Variants in MTAP observed in about 807,000 individuals in gnomAD.
MTAP encodes the protein S-methyl-5'-thioadenosine phosphorylase.
A neutral mutation model predicts 33.6 loss-of-function variants in MTAP; 33 were observed. That is an observed-to-expected ratio of 0.98 (90% CI 0.74 to 1.31). MTAP has a LOEUF of 1.31. Among genes scored for constraint, MTAP ranks in the 40% most tolerant of loss-of-function variants. The pLI is 0.00. For missense variants in MTAP, 367 were observed against 360.0 expected (o/e 1.02, Z -0.16); for synonymous variants, 148 against 125.7 (o/e 1.18, Z -1.19).
downstream of MTAP, among the ~76,000 whole-genome samples, chr9:21,940,671 T>C (rs919298202): frequency 1.3e-4 from 20 of 152,062 alleles, no homozygotes; most frequent in Non-Finnish European, 2.9e-4. Context: ...CAGTTTATAA[T>C]GAAAAATACA....
At chr9:21,811,003 C>T (rs1286508980) in intron 1 of MTAP, among the ~76,000 whole-genome samples, 1 of 152,028 alleles carries the variant, frequency 6.6e-6, no homozygotes, top group Non-Finnish European at 1.5e-5. Context: ...ATAATGAGGG[C>T]CTCCGTCTGC....
intron 4 of MTAP, among the ~76,000 whole-genome samples, chr9:21,830,152 A>G (rs1024260521): frequency 1.3e-5 from 2 of 152,232 alleles, no homozygotes; most frequent in Non-Finnish European, 2.9e-5. Context: ...TGAGTAGAGC[A>G]TCCATAGAAA....
chr9:21,925,745 G>C (rs1237616166), intron 1 of MTAP, among the ~76,000 whole-genome samples: 1 of 127,684 alleles, frequency 7.8e-6, no homozygotes, highest in Non-Finnish European at 1.5e-5. Flanking sequence ...AAGCTGAAAA[G>C]GCCCGCCACT....
Position 21,836,931 on chromosome 9 carries a change from C to T in MTAP, c.348-977C>T, listed in dbSNP as rs549921702. Among the ~76,000 whole-genome samples the T allele has an allele frequency of 2.6e-5, 4 of 152,288 alleles. No homozygotes were observed. In the East Asian group the frequency reaches 7.7e-4, roughly 29 times the overall value. On this transcript the variant is annotated intron_variant, in intron 4 of 7. Coordinates refer to ENST00000644715, the MANE Select transcript of MTAP (RefSeq NM_002451.4). ...CTATTTCTCAGTGCTGCCTCCCACC[C>T]CTGGAAGAGGACATCATGTTATCTA...
chr9:21,896,528 GAT>G, intron 1 of MTAP, among the ~76,000 whole-genome samples: 1 of 152,138 alleles, frequency 6.6e-6, no homozygotes, highest in East Asian at 1.9e-4. Context: ...GATTCAATTA[GAT>G]GCAATAAAAA....
At chr9:21,821,017 G>A (rs1014599034) in intron 4 of MTAP, among the ~76,000 whole-genome samples, 3 of 152,196 alleles carry the variant, frequency 2.0e-5, no homozygotes, top group Admixed American at 6.5e-5. Flanking sequence ...ATCTTAAGGA[G>A]ATTTTGGGCT....
chr9:21,828,309 G>A (rs1280965600), intron 4 of MTAP, among the ~76,000 whole-genome samples: 1 of 152,210 alleles, frequency 6.6e-6, no homozygotes, highest in South Asian at 2.1e-4. Flanking sequence ...TATTGAGAGT[G>A]TGTGCATACT....
chr9:21,818,045 C>A lies in MTAP; in HGVS notation c.190C>A (p.Gln64Lys), dbSNP rs767505395. The change falls in exon 4 of 8, where the codon CAG becomes AAG. Residue 64 changes from glutamine (Q) to lysine (K), a missense_variant. By Grantham distance (53) the Gln-to-Lys change is moderately conservative. Transcript: ENST00000644715. The part of the protein sequence containing the change: ...DCVLLARHGR[Q>K]HTIMPSKVNY... ...TCTCTCCTTCCATAGGCATGGAAGGCAGCACACCATCATGCCTTCAAAGGT... is the reference window on the plus strand; with the variant it reads ...TCTCTCCTTCCATAGGCATGGAAGGAAGCACACCATCATGCCTTCAAAGGT... 2 of 1,610,930 alleles carry A rather than the reference C, an allele frequency of 1.2e-6. No individual in the cohort carries two copies. Among genetic ancestry groups the A allele is most frequent in the Non-Finnish European group, 1.7e-6 (2 of 1,178,842 alleles).
chr9:21,840,659 A>T (rs532752802), intron 5 of MTAP, among the ~76,000 whole-genome samples: 3 of 152,306 alleles, frequency 2.0e-5, no homozygotes, highest in Admixed American at 2.0e-4. Context: ...CCCTCAGGTA[A>T]GGCAGCCAGT....
At chr9:21,873,262 G>T (rs966016934) in intron 1 of MTAP, among the ~76,000 whole-genome samples, 1 of 152,118 alleles carries the variant, frequency 6.6e-6, no homozygotes, top group African/African-American at 2.4e-5. Flanking sequence ...GACTGTAGGC[G>T]TCTATAAACT....
intron 1 of MTAP, among the ~76,000 whole-genome samples, chr9:21,875,128 G>A (rs1051274757): frequency 5.9e-5 from 9 of 152,054 alleles, no homozygotes; most frequent in Non-Finnish European, 7.4e-5. Flanking sequence ...GAATAGTGCC[G>A]CAATAAACAT....
intron 1 of MTAP, chr9:21,930,661 C>T (rs1044916669): frequency 2.0e-6 from 1 of 491,072 alleles, no homozygotes; most frequent in African/African-American, 2.0e-5. Flanking sequence ...CAACCATGGC[C>T]AGAGCAAATT....
chr9:21,858,929 T>C (rs1825693704), intron 6 of MTAP: 1 of 163,034 alleles, frequency 6.1e-6, no homozygotes, highest in Admixed American at 6.5e-5. Context: ...ACAAGTTTAT[T>C]TTTCACATTT....
chr9:21,871,189 T>G (rs1251056789), downstream of MTAP, among the ~76,000 whole-genome samples: 1 of 152,206 alleles, frequency 6.6e-6, no homozygotes, highest in African/African-American at 2.4e-5. Context: ...GCTGTCAACT[T>G]TTAAATTTAA....
At chr9:21,925,846 G>A (rs552178991) in intron 1 of MTAP, among the ~76,000 whole-genome samples, 136 of 152,282 alleles carry the variant, frequency 8.9e-4, no homozygotes, top group African/African-American at 3.1e-3. Context: ...TTTTCTTTGG[G>A]AAATGGCCTT....
chr9:21,815,294 G>C, intron 1 of MTAP, 139 bp from the exon 2 acceptor site: 2 of 569,234 alleles, frequency 3.5e-6, no homozygotes, highest in Non-Finnish European at 6.1e-6. Flanking sequence ...TTGATGTTCA[G>C]TAATTTTCAG....
chr9:21,862,675 A>T lies in MTAP; in HGVS notation c.*661A>T, dbSNP rs376943479. 6.5e-6 allele frequency: 1 copy of T among 152,696 alleles called. No homozygotes were observed. The highest frequency in any genetic ancestry group is 1.5e-5 in the Non-Finnish European group (1 of 68,486). 9.5% of individuals were successfully genotyped at this position (152,696 alleles called of 1,614,324 possible). ...TCAGCCAACTGAAAATCCTTTTTGC[A>T]TATTTCAATGTCCTAAAAAGACACG... is the stretch of plus-strand genomic sequence containing the variant. On this transcript the variant is annotated 3_prime_UTR_variant, in exon 8 of 8. Coordinates refer to ENST00000644715, the MANE Select transcript of MTAP (RefSeq NM_002451.4).
In MTAP at chr9:21,838,352, A is replaced by G. The variant is rs867120816; in HGVS notation, c.450+342A>G. 2.6e-5 allele frequency among the ~76,000 whole-genome samples: 4 copies of G among 152,178 alleles called. No individual in the cohort carries two copies. The South Asian group carries it at 8.3e-4, about 32-fold the overall frequency. On this transcript the variant is annotated intron_variant, in intron 5 of 7. Transcript: ENST00000644715. ...AGGATCAAATCTCTGCTCTTCAACA[A>G]AGTAGCTGTGTCCAAGAGGACAAAT...
chr9:21,837,953 T>A lies in MTAP; in HGVS notation c.393T>A (p.Cys131Ter), dbSNP rs766835808. 1.2e-6 allele frequency: 2 copies of A among 1,614,194 alleles called. No homozygotes were observed. The highest frequency in any genetic ancestry group is 1.7e-6 in the Non-Finnish European group (2 of 1,180,020). The part of the protein sequence containing the change: ...PQSFYDGSHS[C>*]ARGVCHIPMA... ...CCTTCTATGATGGAAGTCATTCTTGTGCCAGAGGAGTGTGCCATATTCCAA... is the reference window on the plus strand; with the variant it reads ...CCTTCTATGATGGAAGTCATTCTTGAGCCAGAGGAGTGTGCCATATTCCAA... Residue 131 changes from cysteine to a stop codon, truncating the protein, a stop_gained, in exon 5 of 8, where the codon TGT becomes TGA. Transcript: ENST00000644715. LOFTEE classifies it high-confidence loss of function.
Sources: allele counts gnomAD v4.1 joint callset (sites outside exome capture counted in the v4.1 genomes callset), GRCh38; gene constraint gnomAD v4.1.1; transcripts MANE v1.5; gene names NCBI Gene and HGNC (gene_info 2026-07-23, HGNC 2026-07-21).